The following KLHL32 variants were observed in gnomAD, a reference collection of about 807,000 sequenced individuals.
The protein encoded by KLHL32 is kelch-like protein 32.
A neutral mutation model predicts 64.8 loss-of-function variants in KLHL32; 35 were observed. That is an observed-to-expected ratio of 0.54 (90% CI 0.41 to 0.72). KLHL32 has a LOEUF of 0.72. KLHL32 is among the 30% of genes least tolerant of loss of function. The pLI is 0.00. For synonymous variants in KLHL32, 259 were observed against 281.0 expected, an observed-to-expected ratio of 0.92 and a Z score of 0.78; for missense variants, 589 against 768.5, an observed-to-expected ratio of 0.77 and a Z score of 2.76.
chr6:96,916,907 G>T, the KLHL32 span, among the ~76,000 whole-genome samples: 1 of 152,004 alleles, frequency 6.6e-6, no homozygotes. Flanking sequence ...ATTATGTGTG[G>T]TGAAATATAA....
chr6:97,061,670 C>A (rs1788924870), intron 4 of KLHL32, among the ~76,000 whole-genome samples: 2 of 152,126 alleles, frequency 1.3e-5, no homozygotes, highest in Admixed American at 6.5e-5. Context: ...TAATGCTTGG[C>A]AGAAGTTAAA....
At chr6:97,048,554 A>C (rs537178490) in intron 4 of KLHL32, among the ~76,000 whole-genome samples, 32 of 152,340 alleles carry the variant, frequency 2.1e-4, no homozygotes, top group Admixed American at 7.8e-4. Flanking sequence ...TCACCATAGT[A>C]ACTTTGTTTT....
chr6:96,972,052 A>C (rs903394047), intron 2 of KLHL32, among the ~76,000 whole-genome samples: 1 of 152,076 alleles, frequency 6.6e-6, no homozygotes, highest in Admixed American at 6.6e-5. Flanking sequence ...GGGTTTCACC[A>C]TGTTGGCCAG....
chr6:97,119,857 A>G (rs1798182162), intron 7 of KLHL32, among the ~76,000 whole-genome samples: 1 of 152,190 alleles, frequency 6.6e-6, no homozygotes, highest in Admixed American at 6.5e-5. Context: ...TGGCTTTAGT[A>G]AGAATAAAGG....
chr6:97,041,735 T>G, intron 4 of KLHL32, 136 bp downstream of exon 4: 1 of 565,064 alleles, frequency 1.8e-6, no homozygotes, highest in South Asian at 2.7e-5. Context: ...CACATCCTCT[T>G]AATTTTATGA....
intron 3 of KLHL32, among the ~76,000 whole-genome samples, chr6:97,001,498 G>C (rs995498350): frequency 6.6e-6 from 1 of 152,010 alleles, no homozygotes; most frequent in East Asian, 1.9e-4. Context: ...TTGAGACAGG[G>C]TCTTTATCAC....
At chr6:97,064,774 C>A in intron 5 of KLHL32, 48 bp downstream of exon 5, 1 of 1,473,138 alleles carries the variant, frequency 6.8e-7, no homozygotes, top group Non-Finnish European at 9.5e-7. Context: ...TTCCTTTCCC[C>A]ACAGTCATAA....
At chr6:96,938,748 T>G (rs1770923829) in intron 1 of KLHL32, among the ~76,000 whole-genome samples, 1 of 152,162 alleles carries the variant, frequency 6.6e-6, no homozygotes, top group African/African-American at 2.4e-5. Context: ...GAAAGTTACT[T>G]ATTTCTTTGA....
At chr6:96,974,703 G>T (rs567060195) in intron 2 of KLHL32, among the ~76,000 whole-genome samples, 14 of 152,226 alleles carry the variant, frequency 9.2e-5, no homozygotes, top group Non-Finnish European at 2.1e-4. Context: ...TTAATTTTAA[G>T]ATGGTGATTT....
In KLHL32 at chr6:97,135,322, T is replaced by TTTTTTC. The variant is rs373996278; in HGVS notation, c.1701+2575_1701+2576insTTTTTC. On this transcript the variant is annotated intron_variant, in intron 10 of 10. Coordinates refer to ENST00000369261, the MANE Select transcript of KLHL32 (RefSeq NM_052904.4). ...TAATTTTTTTTTTTTTTTTTTTTTT[T>TTTTTTC]CCTGAGAGTGTCTTGCTCTGTCACC... is the stretch of plus-strand genomic sequence containing the variant. Among the ~76,000 whole-genome samples the TTTTTTC allele has an allele frequency of 2.2e-4, 25 of 112,340 alleles. 1 individual carries two copies. The East Asian group carries it at 2.4e-3, about 11-fold the overall frequency. The allele number at this position is 112,340 out of a possible 152,430, so 73.7% of individuals were successfully genotyped here.
chr6:97,137,871 T>C (rs989687397), intron 10 of KLHL32, among the ~76,000 whole-genome samples: 4 of 152,112 alleles, frequency 2.6e-5, no homozygotes, highest in African/African-American at 9.7e-5. Flanking sequence ...ACACAGGTGA[T>C]AGATGAAGGC....
Position 96,971,919 on chromosome 6 carries a change from C to A in KLHL32, c.24-4078C>A, listed in dbSNP as rs548938020. On this transcript the variant is annotated intron_variant, in intron 2 of 10. Transcript: ENST00000369261. ...CCAGGCTGGAGTGCAGTGGCGTGAT[C>A]TCGGCTCACTGCAACCTCTGCTTCC... Among the ~76,000 whole-genome samples the A allele has an allele frequency of 7.2e-5, 11 of 152,218 alleles. 1 individual carries two copies. The East Asian group carries it at 1.5e-3, about 21-fold the overall frequency.
intron 4 of KLHL32, among the ~76,000 whole-genome samples, chr6:97,057,799 T>G (rs777046925): frequency 3.2e-4 from 49 of 152,194 alleles, no homozygotes; most frequent in Non-Finnish European, 5.1e-4. Flanking sequence ...TGGTGCTGTA[T>G]CTAAAGAGTC....
At chr6:97,114,933 T>C (rs1365163583) in intron 7 of KLHL32, among the ~76,000 whole-genome samples, 1 of 152,246 alleles carries the variant, frequency 6.6e-6, no homozygotes. Context: ...TAATCCATTT[T>C]TCTGGGTATA....
At chr6:97,053,092 A>T (rs1482112688) in intron 4 of KLHL32, among the ~76,000 whole-genome samples, 3 of 152,068 alleles carry the variant, frequency 2.0e-5, no homozygotes, top group Non-Finnish European at 4.4e-5. Context: ...ATACACACAC[A>T]CACACACACA....
the KLHL32 span, among the ~76,000 whole-genome samples, chr6:96,915,634 TAA>T: frequency 7.7e-6 from 1 of 129,048 alleles, no homozygotes; most frequent in East Asian, 2.1e-4. Context: ...AATAAATTGA[TAA>T]GTTTCTATCC....
At chr6:96,941,824 C>T (rs1771326589) in intron 1 of KLHL32, among the ~76,000 whole-genome samples, 1 of 152,080 alleles carries the variant, frequency 6.6e-6, no homozygotes, top group East Asian at 1.9e-4. Context: ...CAATTTGGAA[C>T]ACTTTCCTCT....
chr6:97,081,202 G>C (rs1405482766), intron 5 of KLHL32, among the ~76,000 whole-genome samples: 1 of 152,166 alleles, frequency 6.6e-6, no homozygotes, highest in Non-Finnish European at 1.5e-5. Flanking sequence ...CTTTATAGTG[G>C]TATCTGCAGG....
chr6:97,050,312 T>TGG (rs1429075985), intron 4 of KLHL32, among the ~76,000 whole-genome samples: 1 of 152,160 alleles, frequency 6.6e-6, no homozygotes, highest in African/African-American at 2.4e-5. Context: ...TTGAGACTGA[T>TGG]AATGCCACAC....
Sources: gnomAD v4.1 joint callset for allele counts (sites outside exome capture counted in the v4.1 genomes callset) on GRCh38, gnomAD v4.1.1 for gene constraint, MANE v1.5 for transcripts, NCBI Gene and HGNC (gene_info 2026-07-23, HGNC 2026-07-21) for gene names.